Variants in MAML2 observed in about 807,000 individuals in gnomAD.
MAML2 encodes the protein mastermind-like protein 2.
In MAML2, 22 loss-of-function variants were observed where a neutral mutation model predicts 96.1. That is an observed-to-expected ratio of 0.23 (90% CI 0.16 to 0.33). The LOEUF (loss-of-function observed/expected upper bound fraction) is 0.33, where lower values mean the gene tolerates loss of function less well. Among genes scored for constraint, MAML2 ranks in the 10% least tolerant of loss-of-function variants. The pLI, the probability that MAML2 is intolerant of heterozygous loss-of-function variation, is 1.00. For missense variants in MAML2, 1,367 were observed against 1,392.4 expected, an observed-to-expected ratio of 0.98 and a Z score of 0.29; for synonymous variants, 561 against 521.3, an observed-to-expected ratio of 1.08 and a Z score of -1.04.
chr11:95,997,381 A>G (rs1858008223), intron 2 of MAML2, among the ~76,000 whole-genome samples: 1 of 152,134 alleles, frequency 6.6e-6, no homozygotes, highest in African/African-American at 2.4e-5. Context: ...GCCAGTGCTT[A>G]AGTATGGATA....
chr11:96,171,880 C>G (rs1861303199), intron 1 of MAML2, among the ~76,000 whole-genome samples: 1 of 152,232 alleles, frequency 6.6e-6, no homozygotes, highest in Admixed American at 6.5e-5. Flanking sequence ...AGCAGTGTCC[C>G]TCAGAAGAAG....
chr11:96,173,543 C>T (rs964651844), intron 1 of MAML2, among the ~76,000 whole-genome samples: 5 of 152,134 alleles, frequency 3.3e-5, no homozygotes, highest in African/African-American at 1.2e-4. Context: ...TGAGACTGAG[C>T]TTTATGGGTC....
chr11:96,217,798 G>A (rs1041772491), intron 1 of MAML2, among the ~76,000 whole-genome samples: 4 of 152,158 alleles, frequency 2.6e-5, no homozygotes, highest in Admixed American at 1.3e-4. Flanking sequence ...TAGCATCATC[G>A]TCTTGACCAT....
At chr11:96,247,415 C>A (rs1270416098) in intron 1 of MAML2, among the ~76,000 whole-genome samples, 2 of 152,072 alleles carry the variant, frequency 1.3e-5, no homozygotes, top group Non-Finnish European at 2.9e-5. Flanking sequence ...CCCACCCCAA[C>A]CCACAAGCAT....
chr11:96,131,654 G>A (rs1011769762), intron 1 of MAML2, among the ~76,000 whole-genome samples: 2 of 152,302 alleles, frequency 1.3e-5, no homozygotes, highest in African/African-American at 2.4e-5. Context: ...GCTAAGGGAC[G>A]TGGAGTTTCT....
rs547262395 is a variant in MAML2, at chr11:96,151,105, C to A, written c.514-57588G>T. On this transcript the variant is annotated intron_variant, in intron 1 of 4. Transcript: ENST00000524717. ...ACCTTCTGTTGCTCACTGGTGCCTG[C>A]TGAATACACTTCAAACTCCCTCGTC... Among the ~76,000 whole-genome samples, 3 of 152,328 alleles carry A rather than the reference C, an allele frequency of 2.0e-5. No homozygotes were observed. The South Asian group carries it at 6.2e-4, about 32-fold the overall frequency.
At chr11:96,293,338 A>T in intron 1 of MAML2, among the ~76,000 whole-genome samples, 1 of 152,188 alleles carries the variant, frequency 6.6e-6, no homozygotes, top group East Asian at 1.9e-4. Context: ...ATATGAAAAA[A>T]AATTCACTGT....
rs116738293 is a variant in MAML2, at chr11:96,006,450, C to T, written c.2140-14727G>A. ...TGTCTGTCTACATTGATCAAATAAG[C>T]GGTACAACTACTGCCAGATCTGATG... is the stretch of plus-strand genomic sequence containing the variant. On this transcript the variant is annotated intron_variant, in intron 2 of 4. Transcript: ENST00000524717. Among the ~76,000 whole-genome samples, 519 of 151,968 alleles carry T rather than the reference C, an allele frequency of 3.4e-3. 5 individuals are homozygous for T. Among genetic ancestry groups the T allele is most frequent in the African/African-American group, 0.012 (501 of 41,450 alleles).
chr11:96,087,307 A>T (rs1334561893), intron 2 of MAML2, among the ~76,000 whole-genome samples: 5 of 152,232 alleles, frequency 3.3e-5, no homozygotes, highest in African/African-American at 1.2e-4. Flanking sequence ...TTCACTCTAC[A>T]TTCTAGTCAA....
rs543373689 is a variant in MAML2 at position 96,121,780 on chromosome 11, A to ATTT, written c.514-28266_514-28264dup. On this transcript the variant is annotated intron_variant, in intron 1 of 4. Transcript: ENST00000524717. ...TCCATTCCATATTCCCAACTGCGTG[A>ATTT]TTTTTTTTTTTTTTTTTTTTTTTTG... 1.9e-3 allele frequency among the ~76,000 whole-genome samples: 67 copies of ATTT among 35,240 alleles called. 17 individuals carry two copies. The highest frequency in any genetic ancestry group is 3.3e-3 in the East Asian group (3 of 908). 23.1% of individuals were successfully genotyped at this position (35,240 alleles called of 152,430 possible).
At position 96,092,690 on chromosome 11, in the gene MAML2, G is replaced by A. The variant is rs369609275; in HGVS notation, c.1341C>T (p.Ala447=). 1.3e-4 allele frequency: 203 copies of A among 1,613,864 alleles called. No homozygotes were observed. The highest frequency in any genetic ancestry group is 1.6e-4 in the Non-Finnish European group (194 of 1,179,898). ...KQIAANRQQH[A]RMQQHQQQHQ... ...GCTGCTGCTGGTGCTGCTGCATCCG[G>A]GCATGCTGCTGACGATTAGCAGCTA... Residue 447 remains alanine (A), a synonymous_variant, in exon 2 of 5, where the codon GCC becomes GCT. Coordinates refer to ENST00000524717, the MANE Select transcript of MAML2 (RefSeq NM_032427.4). This position sits in a 1 kb window ranked among gnomAD's most constrained non-coding sequence, Gnocchi z 4.1.
chr11:96,138,529 C>T (rs1432117360), intron 1 of MAML2, among the ~76,000 whole-genome samples: 2 of 152,268 alleles, frequency 1.3e-5, no homozygotes, highest in Non-Finnish European at 2.9e-5. Flanking sequence ...GAATGTTGAA[C>T]TCCTAATGGC....
At chr11:96,302,643 C>T (rs913349096) in intron 1 of MAML2, among the ~76,000 whole-genome samples, 3 of 152,130 alleles carry the variant, frequency 2.0e-5, no homozygotes, top group African/African-American at 7.2e-5. Context: ...TCTTGAAACC[C>T]CCTGATTCCT....
chr11:96,123,325 GCCTGCTTCTACAGGTGACAGCT>G (rs1270325563), intron 1 of MAML2, among the ~76,000 whole-genome samples: 38 of 150,776 alleles, frequency 2.5e-4, no homozygotes, highest in Non-Finnish European at 4.7e-4. Flanking sequence ...TCACGTATCT[GCCTGCTTCTACAGGTGACAGCT>G]CCTCCAGGTC....
chr11:96,195,882 T>G (rs1047834056), intron 1 of MAML2, among the ~76,000 whole-genome samples: 10 of 152,326 alleles, frequency 6.6e-5, no homozygotes, highest in African/African-American at 2.4e-4. Context: ...TGATTTACAG[T>G]AAGTCACAAA....
chr11:96,294,699 A>G (rs1863265436), intron 1 of MAML2, among the ~76,000 whole-genome samples: 1 of 152,256 alleles, frequency 6.6e-6, no homozygotes, highest in Non-Finnish European at 1.5e-5. Context: ...CAAAGAGGTA[A>G]CATTTATTGA....
At chr11:96,045,348 G>A (rs1252826788) in intron 2 of MAML2, among the ~76,000 whole-genome samples, 1 of 152,132 alleles carries the variant, frequency 6.6e-6, no homozygotes, top group African/African-American at 2.4e-5. Context: ...GAAGACCTGG[G>A]TGAACCCTAG....
intron 1 of MAML2, among the ~76,000 whole-genome samples, chr11:96,307,366 G>T (rs887181604): frequency 3.3e-5 from 5 of 152,216 alleles, no homozygotes; most frequent in African/African-American, 1.2e-4. Context: ...TGCTTTTACT[G>T]TAAAGGAAGA....
At chr11:96,146,696 A>G (rs1270698909) in intron 1 of MAML2, among the ~76,000 whole-genome samples, 1 of 152,180 alleles carries the variant, frequency 6.6e-6, no homozygotes, top group Non-Finnish European at 1.5e-5. Context: ...CTCATCCTAC[A>G]ACATGGACTC....
Sources: allele counts gnomAD v4.1 joint callset (sites outside exome capture counted in the v4.1 genomes callset), GRCh38; gene constraint gnomAD v4.1.1; non-coding constraint Gnocchi (gnomAD v3.1); transcripts MANE v1.5; gene names NCBI Gene and HGNC (gene_info 2026-07-23, HGNC 2026-07-21).